Variants in CDKAL1 observed in about 807,000 individuals in gnomAD.
CDKAL1 encodes CDKAL1 threonylcarbamoyladenosine tRNA methylthiotransferase.
Under a neutral mutation model 68.2 loss-of-function variants are expected in CDKAL1, and 32 were observed. The ratio of observed to expected loss-of-function variants is 0.47; its 90% confidence interval spans 0.35 to 0.63. The LOEUF (loss-of-function observed/expected upper bound fraction) is 0.63. Among genes scored for constraint, CDKAL1 ranks in the 30% least tolerant of loss-of-function variants. CDKAL1 has a pLI of 0.00. For synonymous variants in CDKAL1, 234 were observed against 244.3 expected (o/e 0.96, Z 0.39); for missense variants, 606 against 696.7 (o/e 0.87, Z 1.47).
At chr6:20,836,785 G>C (rs1461569821) in intron 8 of CDKAL1, among the ~76,000 whole-genome samples, 1 of 152,000 alleles carries the variant, frequency 6.6e-6, no homozygotes, top group Non-Finnish European at 1.5e-5. Context: ...GAATTGATAG[G>C]GATTCTATCC....
intron 7 of CDKAL1, among the ~76,000 whole-genome samples, chr6:20,770,424 C>A (rs1239492732): frequency 6.6e-6 from 1 of 152,120 alleles, no homozygotes; most frequent in Non-Finnish European, 1.5e-5. Flanking sequence ...TCAAAAAAAT[C>A]CTGCGATGTT....
intron 15 of CDKAL1, among the ~76,000 whole-genome samples, chr6:21,212,924 A>C (rs1420227905): frequency 6.6e-6 from 1 of 152,182 alleles, no homozygotes; most frequent in Non-Finnish European, 1.5e-5. Flanking sequence ...CAACCTAAAA[A>C]TTTAAGATGT....
intron 5 of CDKAL1, among the ~76,000 whole-genome samples, chr6:20,654,790 T>G (rs1352033733): frequency 6.6e-6 from 1 of 152,298 alleles, no homozygotes; most frequent in East Asian, 1.9e-4. Context: ...CTGTTCTGGG[T>G]CCTCTATTTC....
At chr6:20,863,465 A>C (rs989985963) in intron 9 of CDKAL1, among the ~76,000 whole-genome samples, 1 of 136,388 alleles carries the variant, frequency 7.3e-6, no homozygotes, top group African/African-American at 2.4e-5. Context: ...TGTTCAATAA[A>C]TGTTTTTTGA....
intron 9 of CDKAL1, among the ~76,000 whole-genome samples, chr6:20,846,700 T>C (rs938826261): frequency 6.6e-6 from 1 of 152,224 alleles, no homozygotes; most frequent in African/African-American, 2.4e-5. Flanking sequence ...AGAGGCCTAA[T>C]GAGAATGATT....
At chr6:20,543,519 C>G (rs1344812346) in intron 2 of CDKAL1, among the ~76,000 whole-genome samples, 1 of 152,132 alleles carries the variant, frequency 6.6e-6, no homozygotes, top group Non-Finnish European at 1.5e-5. Context: ...ATATTTTCTT[C>G]CACTCTGTAG....
chr6:21,065,468 A>C (rs896906536), intron 12 of CDKAL1, among the ~76,000 whole-genome samples: 9 of 152,020 alleles, frequency 5.9e-5, no homozygotes, highest in African/African-American at 2.2e-4. Flanking sequence ...TGGGGAAAAA[A>C]ATTTTTAATT....
chr6:21,141,276 A>G (rs1775895581), intron 13 of CDKAL1, among the ~76,000 whole-genome samples: 1 of 152,118 alleles, frequency 6.6e-6, no homozygotes, highest in South Asian at 2.1e-4. Flanking sequence ...TTTCTCTTCT[A>G]GCAAATGTTT....
chr6:21,082,880 T>G (rs1017073263), intron 12 of CDKAL1, among the ~76,000 whole-genome samples: 8 of 150,368 alleles, frequency 5.3e-5, no homozygotes, highest in African/African-American at 9.7e-5. Context: ...TTTTGTTTTT[T>G]TTTTTTTTTT....
intron 13 of CDKAL1, among the ~76,000 whole-genome samples, chr6:21,126,702 A>C (rs1046632589): frequency 6.6e-6 from 1 of 152,200 alleles, no homozygotes; most frequent in African/African-American, 2.4e-5. Flanking sequence ...GTTATGCTTA[A>C]TCTGATAACC....
At chr6:20,582,954 T>C (rs1207750283) in intron 4 of CDKAL1, among the ~76,000 whole-genome samples, 3 of 152,206 alleles carry the variant, frequency 2.0e-5, no homozygotes, top group Non-Finnish European at 4.4e-5. Context: ...TGATACTCTG[T>C]TATTCAAAGT....
chr6:21,135,784 A>C, intron 13 of CDKAL1: 1 of 732,214 alleles, frequency 1.4e-6, no homozygotes, highest in Non-Finnish European at 1.7e-6. Context: ...AGCTTTCAAG[A>C]GGCCAGTGCT....
chr6:21,085,197 C>T (rs1008843465), intron 12 of CDKAL1, among the ~76,000 whole-genome samples: 3 of 152,134 alleles, frequency 2.0e-5, no homozygotes, highest in African/African-American at 7.2e-5. Context: ...TGTAATCACC[C>T]AAAACATGGC....
At chr6:21,228,206 A>G (rs1347248343) in intron 15 of CDKAL1, among the ~76,000 whole-genome samples, 2 of 152,016 alleles carry the variant, frequency 1.3e-5, no homozygotes, top group Non-Finnish European at 2.9e-5. Flanking sequence ...TTTTGTATTC[A>G]TTATTTTTTT....
chr6:21,012,088 T>C (rs1342868707), intron 11 of CDKAL1, among the ~76,000 whole-genome samples: 2 of 152,214 alleles, frequency 1.3e-5, no homozygotes, highest in Admixed American at 6.5e-5. Flanking sequence ...CCATCACATC[T>C]GCATTCCAAA....
At chr6:21,223,680 A>G (rs1779619173) in intron 15 of CDKAL1, among the ~76,000 whole-genome samples, 1 of 152,164 alleles carries the variant, frequency 6.6e-6, no homozygotes, top group South Asian at 2.1e-4. Context: ...GAGGCAAAGG[A>G]ATAAGTAGAA....
At chr6:21,067,708 C>T (rs1771534603) in intron 12 of CDKAL1, among the ~76,000 whole-genome samples, 1 of 152,038 alleles carries the variant, frequency 6.6e-6, no homozygotes, top group African/African-American at 2.4e-5. Context: ...AACTTTTCCA[C>T]TGGGGGGTCT....
chr6:21,165,964 C>G (rs562476443), intron 13 of CDKAL1, among the ~76,000 whole-genome samples: 2 of 152,338 alleles, frequency 1.3e-5, no homozygotes, highest in Admixed American at 1.3e-4. Context: ...GGCTCTTCCA[C>G]TGACTACCTG....
chr6:21,059,505 G>C (rs1771022434), intron 11 of CDKAL1, among the ~76,000 whole-genome samples: 3 of 152,170 alleles, frequency 2.0e-5, no homozygotes, highest in Admixed American at 6.5e-5. Context: ...TCCTGGATGG[G>C]GTAGCACAAT....
Sources: allele counts gnomAD v4.1 joint callset (sites outside exome capture counted in the v4.1 genomes callset), GRCh38; gene constraint gnomAD v4.1.1; transcripts MANE v1.5; gene names NCBI Gene and HGNC (gene_info 2026-07-23, HGNC 2026-07-21).